The following CDKL3 variants were observed in gnomAD, a reference collection of about 807,000 sequenced individuals.
CDKL3 encodes the protein cyclin dependent kinase like 3, also known as cyclin-dependent kinase-like 3.
CDKL3 carries 65 observed loss-of-function variants against 69.3 expected under a neutral mutation model. The observed-to-expected ratio is 0.94, with a 90% CI of 0.77 to 1.15. CDKL3 has a LOEUF of 1.15. CDKL3 is among the 50% of genes most tolerant of loss of function. CDKL3 has a pLI of 0.00. For missense variants in CDKL3, 652 were observed against 689.2 expected, an observed-to-expected ratio of 0.95 and a Z score of 0.61; for synonymous variants, 202 against 221.6, an observed-to-expected ratio of 0.91 and a Z score of 0.79.
chr5:134,300,806 C>T (rs1766108417), intron 12 of CDKL3, among the ~76,000 whole-genome samples: 1 of 152,106 alleles, frequency 6.6e-6, no homozygotes, highest in East Asian at 1.9e-4. Context: ...GGGACTCTCA[C>T]AGGACAATGG....
intron 8 of CDKL3, among the ~76,000 whole-genome samples, chr5:134,289,163 T>TAAAAA (rs34873718): frequency 5.0e-5 from 4 of 80,214 alleles, no homozygotes; most frequent in African/African-American, 7.9e-5. Context: ...CCCTGTCTCA[T>TAAAAA]AAAAAAAAAA....
chr5:134,367,189 C>G, upstream of CDKL3: 1 of 985,516 alleles, frequency 1.0e-6, no homozygotes, highest in African/African-American at 1.7e-5. Flanking sequence ...TGCGCAAGAC[C>G]GGAACATGGG....
intron 6 of CDKL3, among the ~76,000 whole-genome samples, chr5:134,315,645 T>TA (rs1185174747): frequency 1.3e-5 from 2 of 152,080 alleles, no homozygotes; most frequent in Non-Finnish European, 2.9e-5. Flanking sequence ...AAGGATTCTT[T>TA]AAAAAAAGAA....
intron 3 of CDKL3, among the ~76,000 whole-genome samples, chr5:134,351,897 G>A (rs1753400632): frequency 6.6e-6 from 1 of 152,026 alleles, no homozygotes; most frequent in Non-Finnish European, 1.5e-5. Flanking sequence ...TACTTATTTT[G>A]TGGTGAGAAC....
In CDKL3 at chr5:134,288,914, TA is replaced by T. The variant is rs544303942; in HGVS notation, c.*678-2356del. Among the ~76,000 whole-genome samples the T allele has an allele frequency of 1.7e-3, 260 of 151,854 alleles. 4 individuals are homozygous for T. The highest frequency in any genetic ancestry group is 6.1e-3 in the African/African-American group (254 of 41,476). On this transcript the variant is annotated intron_variant and NMD_transcript_variant, in intron 8 of 8. Transcript: ENST00000519312. ...TCTGGACTCTCATAATATGTGACTT[TA>T]AATAAAAATGGAATGTTTGTTCAAT...
chr5:134,316,647 A>G (rs1321956784), intron 6 of CDKL3, among the ~76,000 whole-genome samples: 3 of 152,164 alleles, frequency 2.0e-5, no homozygotes, highest in African/African-American at 7.2e-5. Flanking sequence ...GCGGGGGGAA[A>G]ATCGAAAATA....
At chr5:134,350,649 T>C (rs971565700) in intron 3 of CDKL3, among the ~76,000 whole-genome samples, 3 of 151,724 alleles carry the variant, frequency 2.0e-5, no homozygotes, top group Admixed American at 6.6e-5. Flanking sequence ...GACATAATAC[T>C]AAAAAGGCAA....
At chr5:134,312,217 C>G (rs1002040392) in intron 7 of CDKL3, 75 bp downstream of exon 7, 10 of 809,764 alleles carry the variant, frequency 1.2e-5, no homozygotes, top group Non-Finnish European at 2.0e-5. Flanking sequence ...GTAACCTATA[C>G]AGCAATTTTC....
At chr5:134,356,171 T>C (rs564947604) in intron 3 of CDKL3, among the ~76,000 whole-genome samples, 1 of 152,342 alleles carries the variant, frequency 6.6e-6, no homozygotes, top group South Asian at 2.1e-4. Context: ...TGACAGATTA[T>C]CAGGCATTAG....
At chr5:134,339,910 G>A (rs1211914659) in intron 4 of CDKL3, among the ~76,000 whole-genome samples, 3 of 152,072 alleles carry the variant, frequency 2.0e-5, no homozygotes, top group Non-Finnish European at 4.4e-5. Flanking sequence ...AAAACTATGG[G>A]AAGCAGAGAG....
At chr5:134,324,071 A>T (rs890657821) in intron 4 of CDKL3, among the ~76,000 whole-genome samples, 1 of 152,242 alleles carries the variant, frequency 6.6e-6, no homozygotes, top group Non-Finnish European at 1.5e-5. Context: ...AAATATACAG[A>T]TGGCAAATGG....
intron 10 of CDKL3, among the ~76,000 whole-genome samples, chr5:134,305,526 T>C (rs1002344908): frequency 7.9e-5 from 12 of 152,340 alleles, no homozygotes; most frequent in Middle Eastern, 6.8e-3. Flanking sequence ...GAAAATGATA[T>C]GCTTTGTAAA....
In CDKL3 at chr5:134,364,958, C is replaced by T. The variant is rs562290113; in HGVS notation, c.165+1401G>A. 1.2e-4 allele frequency among the ~76,000 whole-genome samples: 18 copies of T among 150,890 alleles called. No individual in the cohort carries two copies. In the South Asian group the frequency reaches 3.6e-3, roughly 30 times the overall value. On this transcript the variant is annotated intron_variant, in intron 2 of 12. Coordinates refer to ENST00000265334, the MANE Select transcript of CDKL3 (RefSeq NM_001113575.2). ...AGTAGCTGGGATTACAGGGGCGCGA[C>T]ACTATGCCTGGCTAATTTTTTTTTT...
intron 8 of CDKL3, among the ~76,000 whole-genome samples, chr5:134,292,739 A>G (rs1765174304): frequency 6.6e-6 from 1 of 152,036 alleles, no homozygotes; most frequent in East Asian, 1.9e-4. Flanking sequence ...CAAATTATCA[A>G]TAACAGGAAT....
upstream of CDKL3, among the ~76,000 whole-genome samples, chr5:134,368,210 A>G (rs1757886874): frequency 6.6e-6 from 1 of 152,192 alleles, no homozygotes. Context: ...TAAATAAATT[A>G]GTATTTTTGA....
intron 7 of CDKL3, among the ~76,000 whole-genome samples, chr5:134,309,772 T>C (rs1768898289): frequency 1.3e-5 from 2 of 152,180 alleles, no homozygotes; most frequent in African/African-American, 4.8e-5. Context: ...TATCTAAATG[T>C]CCAAGAAAAA....
intron 7 of CDKL3, among the ~76,000 whole-genome samples, chr5:134,311,153 A>C (rs1035612561): frequency 5.9e-5 from 9 of 152,248 alleles, no homozygotes; most frequent in African/African-American, 2.2e-4. Context: ...CAGAAGGGCC[A>C]TAAGAAGCAT....
chr5:134,336,008 C>A (rs954647554), intron 4 of CDKL3, among the ~76,000 whole-genome samples: 1 of 152,130 alleles, frequency 6.6e-6, no homozygotes, highest in African/African-American at 2.4e-5. Flanking sequence ...TTCTTGGAGG[C>A]TTTGTTCGTT....
chr5:134,291,712 T>C (rs1307440261), intron 8 of CDKL3, among the ~76,000 whole-genome samples: 1 of 151,304 alleles, frequency 6.6e-6, no homozygotes, highest in African/African-American at 2.4e-5. Context: ...AGGCAGAGGT[T>C]GCAGTGAGCC....
Sources: allele counts gnomAD v4.1 joint callset (sites outside exome capture counted in the v4.1 genomes callset), GRCh38; gene constraint gnomAD v4.1.1; transcripts MANE v1.5; gene names NCBI Gene and HGNC (gene_info 2026-07-23, HGNC 2026-07-21).